Variants in MACROD2 observed in about 807,000 individuals in gnomAD.
MACROD2 encodes the protein mono-ADP ribosylhydrolase 2.
A neutral mutation model predicts 70.4 loss-of-function variants in MACROD2; 36 were observed. That is an observed-to-expected ratio of 0.51 (90% CI 0.39 to 0.68). The LOEUF (loss-of-function observed/expected upper bound fraction) is 0.68, where lower values mean the gene tolerates loss of function less well. Ranked by LOEUF, MACROD2 falls within the 30% of genes least tolerant of loss-of-function variation. MACROD2 has a pLI of 0.00. For missense variants in MACROD2, 496 were observed against 538.4 expected (o/e 0.92, Z 0.78); for synonymous variants, 172 against 178.8 (o/e 0.96, Z 0.30).
chr20:15,232,899 T>C, intron 6 of MACROD2, among the ~76,000 whole-genome samples: 1 of 152,254 alleles, frequency 6.6e-6, no homozygotes, highest in Non-Finnish European at 1.5e-5. Flanking sequence ...CAAATATTTT[T>C]AATGGATGTA....
chr20:14,057,931 A>G (rs2053649423), intron 2 of MACROD2, among the ~76,000 whole-genome samples: 1 of 152,192 alleles, frequency 6.6e-6, no homozygotes, highest in African/African-American at 2.4e-5. Context: ...ACAAATACTT[A>G]CCGTGTATGA....
At chr20:15,192,566 G>A (rs1768538145) in intron 5 of MACROD2, among the ~76,000 whole-genome samples, 1 of 152,176 alleles carries the variant, frequency 6.6e-6, no homozygotes, top group African/African-American at 2.4e-5. Context: ...AAGCTAAGAA[G>A]CCTCCAGTGC....
At chr20:15,624,728 A>G (rs1343951349) in intron 8 of MACROD2, among the ~76,000 whole-genome samples, 2 of 152,192 alleles carry the variant, frequency 1.3e-5, no homozygotes, top group Non-Finnish European at 2.9e-5. Context: ...AAAGCCTACA[A>G]CATTTTCTCT....
rs554461346 is a variant in MACROD2, at chr20:14,990,972, C to T, written c.419-238968C>T. On this transcript the variant is annotated intron_variant, in intron 5 of 17. Transcript: ENST00000684519. ...ATTTTTGCTCCAGGAAGATAAAGAT[C>T]AAGAAGGGGCAGAATTCTGTGTCTT... is the stretch of plus-strand genomic sequence containing the variant. Among the ~76,000 whole-genome samples, 42 of 152,228 alleles carry T rather than the reference C, an allele frequency of 2.8e-4. 1 individual carries two copies. The Middle Eastern group carries it at 0.014, about 49-fold the overall frequency.
chr20:15,844,588 C>T (rs576982092), intron 8 of MACROD2, among the ~76,000 whole-genome samples: 62 of 152,240 alleles, frequency 4.1e-4, no homozygotes, highest in African/African-American at 1.3e-3. Context: ...AGTAAGCTCC[C>T]AGACTTCACC....
rs2076922679 is a variant in MACROD2 at position 15,227,834 on chromosome 20, T to TGTTG, written c.419-2106_419-2105insGTTG. On this transcript the variant is annotated intron_variant, in intron 5 of 17. Transcript: ENST00000684519. ...ATAGAATTTCACCTGTTTTTTTTTT[T>TGTTG]TTTTTTTTTTTTTTTCAAATTTAAT... is the stretch of plus-strand genomic sequence containing the variant. Among the ~76,000 whole-genome samples the TGTTG allele has an allele frequency of 2.1e-5, 3 of 143,164 alleles. No homozygotes were observed. The South Asian group carries it at 6.7e-4, about 32-fold the overall frequency. 93.9% of individuals were successfully genotyped at this position (143,164 alleles called of 152,430 possible).
chr20:15,772,099 AAAATATATATAT>A (rs1466059600), intron 8 of MACROD2, among the ~76,000 whole-genome samples: 3 of 91,304 alleles, frequency 3.3e-5, no homozygotes, highest in African/African-American at 1.7e-4. Flanking sequence ...AAAAAAAAAA[AAAATATATATAT>A]ATATATATAT....
intron 6 of MACROD2, among the ~76,000 whole-genome samples, chr20:15,316,143 T>C (rs1322741639): frequency 7.5e-6 from 1 of 132,650 alleles, no homozygotes; most frequent in Non-Finnish European, 1.7e-5. Flanking sequence ...AAAGCAATAA[T>C]GAAGGAAATA....
chr20:14,198,063 CAT>C (rs1315625068), intron 3 of MACROD2, among the ~76,000 whole-genome samples: 2 of 151,824 alleles, frequency 1.3e-5, no homozygotes, highest in Admixed American at 6.6e-5. Flanking sequence ...GATTTGGGGC[CAT>C]AAGTCCAACA....
chr20:15,756,859 T>A (rs1344857096), intron 8 of MACROD2, among the ~76,000 whole-genome samples: 2 of 152,216 alleles, frequency 1.3e-5, no homozygotes, highest in Non-Finnish European at 2.9e-5. Context: ...TAGATGTTAA[T>A]CTGGCTCCTC....
chr20:15,845,527 C>G (rs1053309191), intron 8 of MACROD2, among the ~76,000 whole-genome samples: 5 of 152,030 alleles, frequency 3.3e-5, no homozygotes, highest in Non-Finnish European at 5.9e-5. Flanking sequence ...AAGGAATAAT[C>G]TTACTTGTGG....
chr20:14,947,002 CA>C (rs2074438049), intron 5 of MACROD2, among the ~76,000 whole-genome samples: 1 of 152,136 alleles, frequency 6.6e-6, no homozygotes, highest in African/African-American at 2.4e-5. Context: ...TGGGCAACTC[CA>C]AACCTGTTTA....
intron 8 of MACROD2, among the ~76,000 whole-genome samples, chr20:15,658,785 C>T (rs979776757): frequency 6.6e-6 from 1 of 152,080 alleles, no homozygotes; most frequent in Non-Finnish European, 1.5e-5. Context: ...ATATAGTCTA[C>T]ATGCTCACAA....
At chr20:16,004,473 G>A (rs1235612851) in intron 15 of MACROD2, among the ~76,000 whole-genome samples, 5 of 152,194 alleles carry the variant, frequency 3.3e-5, no homozygotes, top group East Asian at 1.9e-4. Flanking sequence ...CCAGGGCCAC[G>A]ACTACTCCAA....
In MACROD2 at chr20:16,041,211, G is replaced by A; in HGVS notation, c.1164G>A (p.Glu388=). The A allele has an allele frequency of 6.2e-7, 1 of 1,611,522 alleles. No individual in the cohort carries two copies. Residue 388 remains glutamate, a synonymous_variant, in exon 16 of 18, where the codon GAG becomes GAA. Coordinates refer to ENST00000684519, the MANE Select transcript of MACROD2 (RefSeq NM_001351661.2). ...EEKEGEKAPG[E]DTPRMPGKSE... ...CTTTTTCTCTTCCAGCTCCAGGCGA[G>A]GACACACCTAGGATGCCTGGGAAAA...
At chr20:15,351,719 G>T (rs2078229079) in intron 6 of MACROD2, among the ~76,000 whole-genome samples, 1 of 152,170 alleles carries the variant, frequency 6.6e-6, no homozygotes, top group Non-Finnish European at 1.5e-5. Context: ...GGTATTAGAA[G>T]TGAGGACCTT....
At chr20:14,945,972 C>T (rs2122719296) in intron 5 of MACROD2, among the ~76,000 whole-genome samples, 1 of 152,162 alleles carries the variant, frequency 6.6e-6, no homozygotes, top group African/African-American at 2.4e-5. Context: ...CTTTGGGAGG[C>T]CGAGGTGGGT....
intron 3 of MACROD2, among the ~76,000 whole-genome samples, chr20:14,358,747 C>T (rs919730967): frequency 1.5e-4 from 23 of 152,126 alleles, no homozygotes; most frequent in African/African-American, 5.1e-4. Flanking sequence ...TGAGCCACTG[C>T]GCTTGTCCAC....
intron 8 of MACROD2, among the ~76,000 whole-genome samples, chr20:15,502,769 G>A (rs2047380361): frequency 6.6e-6 from 1 of 152,172 alleles, no homozygotes. Context: ...TTATGCTGCA[G>A]TTACAAACTA....
Sources: gnomAD v4.1 joint callset for allele counts (sites outside exome capture counted in the v4.1 genomes callset) on GRCh38, gnomAD v4.1.1 for gene constraint, MANE v1.5 for transcripts, NCBI Gene and HGNC (gene_info 2026-07-23, HGNC 2026-07-21) for gene names.